Variants in VENTX observed in about 807,000 individuals in gnomAD.
The protein encoded by VENTX is homeobox protein VENTX.
A neutral mutation model predicts 10.5 loss-of-function variants in VENTX; 13 were observed. That is an observed-to-expected ratio of 1.23 (90% confidence interval 0.80 to 1.96). The LOEUF is 1.96. Among genes scored for constraint, VENTX ranks in the 30% most tolerant of loss-of-function variants. The pLI is 0.00. For synonymous variants in VENTX, 177 were observed against 150.4 expected (o/e 1.18, Z -1.29); for missense variants, 400 against 341.8 (o/e 1.17, Z -1.34).
rs1845901243 is a variant in VENTX, at chr10:133,239,680, G to C, written c.246G>C (p.Leu82Phe). 6.2e-7 allele frequency: 1 copy of C among 1,611,068 alleles called. No homozygotes were observed. The highest frequency in any genetic ancestry group is 1.1e-5 in the South Asian group (1 of 90,990). Residue 82 changes from leucine to phenylalanine, a missense_variant, in exon 2 of 3, where the codon TTG becomes TTC. By Grantham distance (22) the Leu-to-Phe change is conservative (BLOSUM62 0). Transcript: ENST00000325980. The part of the protein sequence containing the change: ...LPAPERTMAG[L>F]SKEPNTLRAP... ...TGCCCTTACCCTCTATGTCAGGGTT[G>C]AGTAAGGAGCCAAATACCTTGCGGG...
At position 133,238,058 on chromosome 10, in the gene VENTX, A is replaced by G. The variant is rs2998143; in HGVS notation, c.144A>G (p.Pro48=). ...ADFSLGSLPG[P]GQTSGAREPP... ...TCTCCCTGGGGAGCCTCCCTGGCCC[A>G]GGCCAGACATCCGGCGCCCGGGAGC... Residue 48 remains proline (P), a synonymous_variant, in exon 1 of 3, where the codon CCA becomes CCG. Coordinates refer to ENST00000325980, the MANE Select transcript of VENTX (RefSeq NM_014468.4). 1,029,131 of 1,596,114 alleles carry G rather than the reference A, an allele frequency of 0.64. 338,345 individuals carry two copies. Among genetic ancestry groups the G allele is most frequent in the East Asian group, 0.99 (44,105 of 44,336 alleles).
At chr10:133,239,532 G>A (rs568119867) in intron 1 of VENTX, 144 bp from the exon 2 acceptor site, 28 of 963,470 alleles carry the variant, frequency 2.9e-5, no homozygotes, top group Admixed American at 1.1e-4. Flanking sequence ...CCTGGGAGGC[G>A]GCGGGGGTGC....
intron 1 of VENTX, among the ~76,000 whole-genome samples, chr10:133,238,595 G>C (rs1845887016): frequency 6.6e-6 from 1 of 151,796 alleles, no homozygotes; most frequent in Non-Finnish European, 1.5e-5. Context: ...GCCCATTCCG[G>C]GTCACCTGGA....
At position 133,240,311 on chromosome 10, in the gene VENTX, G is replaced by C. The variant is rs201366555; in HGVS notation, c.*5G>C. The C allele has an allele frequency of 3.2e-5, 50 of 1,569,922 alleles. No homozygotes were observed. The South Asian group carries it at 5.6e-4, about 17-fold the overall frequency. Reference sequence around the variant, plus strand: ...CAGACGGGGGATGCATTTTGAGGAGGCACCTCTGACTCCCACACTCGCGGT... The same window carrying C: ...CAGACGGGGGATGCATTTTGAGGAGCCACCTCTGACTCCCACACTCGCGGT... On this transcript the variant is annotated 3_prime_UTR_variant, in exon 3 of 3. Transcript: ENST00000325980.
At position 133,239,957 on chromosome 10, in the gene VENTX, G is replaced by C. The variant is rs866974231; in HGVS notation, c.428G>C (p.Arg143Pro). Residue 143 changes from arginine (R) to proline (P), a missense_variant, in exon 3 of 3, where the codon CGC becomes CCC. Physicochemically the swap from Arg to Pro is moderately radical, Grantham distance 103 (BLOSUM62 -2). Coordinates refer to ENST00000325980, the MANE Select transcript of VENTX (RefSeq NM_014468.4). ...VQIKTWFQNR[R>P]MKHKRQMQDP... ...ATAAAAACCTGGTTTCAGAATCGCCGCATGAAACACAAACGGCAAATGCAG... is the reference window on the plus strand; with the variant it reads ...ATAAAAACCTGGTTTCAGAATCGCCCCATGAAACACAAACGGCAAATGCAG... 6.2e-7 allele frequency: 1 copy of C among 1,612,226 alleles called. No homozygotes were observed. Among genetic ancestry groups the C allele is most frequent in the Admixed American group, 1.7e-5 (1 of 59,788 alleles).
At position 133,240,238 on chromosome 10, in the gene VENTX, C is replaced by A; in HGVS notation, c.709C>A (p.Leu237Met). ...CCCCCCTACCCCAGGCCGGCCTTCG[C>A]TGGGACCAGCCCTGTCCACGGGGCC... ...SHPPTPGRPSLGPALSTGPRG... is the reference protein window; with the variant it reads ...SHPPTPGRPSMGPALSTGPRG... The change falls in exon 3 of 3, where the codon CTG (leucine) becomes ATG (methionine). Residue 237 changes from leucine to methionine, a missense_variant. By Grantham distance (15) the Leu-to-Met change is conservative (BLOSUM62 2). Transcript: ENST00000325980. 6.2e-7 allele frequency: 1 copy of A among 1,611,634 alleles called. No individual in the cohort carries two copies. Among genetic ancestry groups the A allele is most frequent in the South Asian group, 1.1e-5 (1 of 90,950 alleles).
At position 133,237,861 on chromosome 10, in the gene VENTX, G is replaced by C; in HGVS notation, c.-54G>C. On this transcript the variant is annotated 5_prime_UTR_variant, in exon 1 of 3. Transcript: ENST00000325980. ...CCGCCGCCTGGCGAGGCCCGAGGTG[G>C]ATCCTGCGCCTGGCCAGCCCCGCCT... 6.7e-7 allele frequency: 1 copy of C among 1,489,912 alleles called. No individual in the cohort carries two copies. Among genetic ancestry groups the C allele is most frequent in the South Asian group, 1.4e-5 (1 of 73,958 alleles). 92.3% of individuals were successfully genotyped at this position (1,489,912 alleles called of 1,614,324 possible).
chr10:133,238,087 C>T lies in VENTX; in HGVS notation c.173C>T (p.Pro58Leu), dbSNP rs995584606. The T allele has an allele frequency of 5.6e-6, 9 of 1,599,952 alleles. No individual in the cohort carries two copies. The highest frequency in any genetic ancestry group is 3.4e-5 in the South Asian group (3 of 88,962). ...PGQTSGAREP[P>L]QAVSIKEAAG... ...CAGACATCCGGCGCCCGGGAGCCCC[C>T]TCAGGCCGTCAGCATCAAGGAGGCC... is the stretch of plus-strand genomic sequence containing the variant. The change falls in exon 1 of 3, where the codon CCT becomes CTT. Residue 58 changes from proline (P) to leucine (L), a missense_variant. Transcript: ENST00000325980.
At position 133,237,871 on chromosome 10, in the gene VENTX, C is replaced by T. The variant is rs1845870345; in HGVS notation, c.-44C>T. On this transcript the variant is annotated 5_prime_UTR_variant, in exon 1 of 3. Transcript: ENST00000325980. ...GCGAGGCCCGAGGTGGATCCTGCGCCTGGCCAGCCCCGCCTGGCCTTCCCT... is the reference window on the plus strand; with the variant it reads ...GCGAGGCCCGAGGTGGATCCTGCGCTTGGCCAGCCCCGCCTGGCCTTCCCT... 1 of 1,518,988 alleles carries T rather than the reference C, an allele frequency of 6.6e-7. No homozygotes were observed. Among genetic ancestry groups the T allele is most frequent in the Non-Finnish European group, 8.8e-7 (1 of 1,139,476 alleles). The allele number at this position is 1,518,988 out of a possible 1,614,324, so 94.1% of individuals were successfully genotyped here.
intron 1 of VENTX, among the ~76,000 whole-genome samples, chr10:133,238,979 A>G (rs1845891435): frequency 6.6e-6 from 1 of 152,188 alleles, no homozygotes; most frequent in African/African-American, 2.4e-5. Context: ...TGCCAGTCCT[A>G]CAGCCCTCCC....
rs751102017 is a variant in VENTX, at chr10:133,240,216, C to G, written c.687C>G (p.Pro229=). 1.6e-5 allele frequency: 25 copies of G among 1,611,104 alleles called. No individual in the cohort carries two copies. Among genetic ancestry groups the G allele is most frequent in the Non-Finnish European group, 2.1e-5 (25 of 1,179,712 alleles). ...SCCGQPLASH[P]PTPGRPSLGP... ...GCGGGCAGCCTCTGGCGTCCCACCC[C>G]CCTACCCCAGGCCGGCCTTCGCTGG... The change falls in exon 3 of 3, where the codon CCC becomes CCG. Residue 229 remains proline (P), a synonymous_variant. Coordinates refer to ENST00000325980, the MANE Select transcript of VENTX (RefSeq NM_014468.4).
At position 133,238,085 on chromosome 10, in the gene VENTX, C is replaced by T; in HGVS notation, c.171C>T (p.Pro57=). The T allele has an allele frequency of 6.3e-7, 1 of 1,599,562 alleles. No individual in the cohort carries two copies. The change falls in exon 1 of 3, where the codon CCC becomes CCT. Residue 57 remains proline (P), a synonymous_variant. Transcript: ENST00000325980. ...GCCAGACATCCGGCGCCCGGGAGCC[C>T]CCTCAGGCCGTCAGCATCAAGGAGG... ...GPGQTSGARE[P]PQAVSIKEAA... is the part of the protein sequence containing the mutation.
In VENTX at chr10:133,240,457, T is replaced by G; in HGVS notation, c.*151T>G. The G allele has an allele frequency of 8.2e-4, 386 of 468,556 alleles. No homozygotes were observed. Among genetic ancestry groups the G allele is most frequent in the Non-Finnish European group, 9.0e-4 (268 of 297,330 alleles). The allele number at this position is 468,556 out of a possible 1,614,324, so 29.0% of individuals were successfully genotyped here. On this transcript the variant is annotated 3_prime_UTR_variant, in exon 3 of 3. Coordinates refer to ENST00000325980, the MANE Select transcript of VENTX (RefSeq NM_014468.4). ...GATTACTGGAGAATATATATAAATA[T>G]ATATATGTACGTATATATGTAAATA...
chr10:133,238,405 C>T (rs115879786), intron 1 of VENTX, among the ~76,000 whole-genome samples: 2,117 of 152,308 alleles, frequency 0.014, 46 homozygotes, highest in African/African-American at 0.048. Context: ...TTTTGTCACC[C>T]CGTTCCTCAG....
chr10:133,238,998 G>C (rs1034490662), intron 1 of VENTX, among the ~76,000 whole-genome samples: 1 of 152,232 alleles, frequency 6.6e-6, no homozygotes, highest in Non-Finnish European at 1.5e-5. Flanking sequence ...CCTGCCAGAA[G>C]GCATTTGCTT....
Position 133,239,826 on chromosome 10 carries a change from C to T in VENTX, c.392C>T (p.Ser131Leu). ...AGGCTGGCCAGGGAGATGCAGCTCT[C>T]AGAGGTCCAGGTGAGGTGGGCCGGG... is the stretch of plus-strand genomic sequence containing the variant. ...RKRLAREMQLSEVQIKTWFQN... is the reference protein window; with the variant it reads ...RKRLAREMQLLEVQIKTWFQN... Residue 131 changes from serine to leucine, a missense_variant, in exon 2 of 3, where the codon TCA becomes TTA. Coordinates refer to ENST00000325980, the MANE Select transcript of VENTX (RefSeq NM_014468.4). 6.2e-7 allele frequency: 1 copy of T among 1,600,046 alleles called. No individual in the cohort carries two copies. The highest frequency in any genetic ancestry group is 1.7e-5 in the Admixed American group (1 of 59,376).
Position 133,239,962 on chromosome 10 carries a change from A to C in VENTX, c.433A>C (p.Lys145Gln). ...AACCTGGTTTCAGAATCGCCGCATGAAACACAAACGGCAAATGCAGGACCC... is the reference window on the plus strand; with the variant it reads ...AACCTGGTTTCAGAATCGCCGCATGCAACACAAACGGCAAATGCAGGACCC... The part of the protein sequence containing the change: ...IKTWFQNRRM[K>Q]HKRQMQDPQL... Residue 145 changes from lysine (K) to glutamine (Q), a missense_variant, in exon 3 of 3, where the codon AAA (lysine) becomes CAA (glutamine). Lys to Gln is a moderately conservative substitution (Grantham distance 53, BLOSUM62 1). Coordinates refer to ENST00000325980, the MANE Select transcript of VENTX (RefSeq NM_014468.4). The C allele has an allele frequency of 6.2e-7, 1 of 1,612,402 alleles. No homozygotes were observed. Among genetic ancestry groups the C allele is most frequent in the Non-Finnish European group, 8.5e-7 (1 of 1,179,788 alleles).
chr10:133,239,911 C>G (rs372042465), intron 2 of VENTX, 21 bp from the exon 3 acceptor site: 59 of 1,610,118 alleles, frequency 3.7e-5, no homozygotes, highest in Non-Finnish European at 4.9e-5. Context: ...CACCCCTGTT[C>G]TGATCTTGCT....
intron 1 of VENTX, among the ~76,000 whole-genome samples, chr10:133,238,433 A>C (rs1845883562): frequency 2.0e-5 from 3 of 150,120 alleles, no homozygotes; most frequent in East Asian, 2.0e-4. Flanking sequence ...TTCGTCCCCC[A>C]CCCCGGCCTG....
Sources: allele counts gnomAD v4.1 joint callset (sites outside exome capture counted in the v4.1 genomes callset), GRCh38; gene constraint gnomAD v4.1.1; transcripts MANE v1.5; gene names NCBI Gene and HGNC (gene_info 2026-07-23, HGNC 2026-07-21).